The following PEBP4 variants were observed in gnomAD, a reference collection of about 807,000 sequenced individuals.
PEBP4 encodes the protein phosphatidylethanolamine-binding protein 4.
PEBP4 carries 22 observed loss-of-function variants against 23.9 expected under a neutral mutation model. The observed-to-expected ratio is 0.92, with a 90% CI of 0.66 to 1.31. The LOEUF (loss-of-function observed/expected upper bound fraction) is 1.31. Among genes scored for constraint, PEBP4 ranks in the 40% most tolerant of loss-of-function variants. The pLI, the probability that PEBP4 is intolerant of heterozygous loss-of-function variation, is 0.00. For missense variants in PEBP4, 324 were observed against 281.7 expected, an observed-to-expected ratio of 1.15 and a Z score of -1.07; for synonymous variants, 112 against 99.3, an observed-to-expected ratio of 1.13 and a Z score of -0.76.
At chr8:22,912,114 C>CA (rs990135513) in intron 3 of PEBP4, among the ~76,000 whole-genome samples, 35 of 152,222 alleles carry the variant, frequency 2.3e-4, no homozygotes, top group African/African-American at 7.7e-4. Context: ...CAGAGAAGGC[C>CA]ACGAGGATAA....
intron 3 of PEBP4, among the ~76,000 whole-genome samples, chr8:22,908,959 G>A (rs1808875846): frequency 6.6e-6 from 1 of 152,164 alleles, no homozygotes; most frequent in Non-Finnish European, 1.5e-5. Flanking sequence ...GCATTTTAAT[G>A]GCAGAAGGGC....
chr8:22,732,634 T>TTG (rs61376190), intron 4 of PEBP4, among the ~76,000 whole-genome samples: 7,727 of 149,158 alleles, frequency 0.052, 274 homozygotes, highest in African/African-American at 0.089. Flanking sequence ...CTGGCCCCAT[T>TTG]TGTGTGTGTG....
chr8:22,746,190 C>A (rs1230189044), intron 4 of PEBP4, among the ~76,000 whole-genome samples: 1 of 152,128 alleles, frequency 6.6e-6, no homozygotes, highest in African/African-American at 2.4e-5. Context: ...CAGGGTCCTC[C>A]CTGTTAGATC....
chr8:22,836,965 A>G (rs1424561723), intron 3 of PEBP4, among the ~76,000 whole-genome samples: 3 of 152,072 alleles, frequency 2.0e-5, no homozygotes, highest in Admixed American at 6.5e-5. Flanking sequence ...AAATATCTCT[A>G]TCTCCCAAGC....
chr8:22,920,964 T>C (rs545718726), intron 2 of PEBP4, among the ~76,000 whole-genome samples: 2 of 152,270 alleles, frequency 1.3e-5, no homozygotes, highest in African/African-American at 4.8e-5. Flanking sequence ...AGTTCATGTA[T>C]TTGCTCCCTG....
At chr8:22,790,745 G>T (rs1425805858) in intron 4 of PEBP4, among the ~76,000 whole-genome samples, 4 of 152,066 alleles carry the variant, frequency 2.6e-5, no homozygotes, top group African/African-American at 9.7e-5. Flanking sequence ...AAACAGACGG[G>T]GTTTAATTGC....
rs369466233 is a variant in PEBP4, at chr8:22,740,504, G to C, written c.358-13284C>G. Among the ~76,000 whole-genome samples the C allele has an allele frequency of 5.3e-5, 8 of 152,284 alleles. No individual in the cohort carries two copies. The South Asian group carries it at 1.7e-3, about 32-fold the overall frequency. ...TGAGGCGACTTCTACGCACACTAAA[G>C]TCTGTGAAGCCCCTCAGCACCACCA... On this transcript the variant is annotated intron_variant, in intron 4 of 6. Coordinates refer to ENST00000256404, the MANE Select transcript of PEBP4 (RefSeq NM_144962.3).
intron 3 of PEBP4, 41 bp from the exon 4 acceptor site, chr8:22,817,776 G>A: frequency 6.4e-7 from 1 of 1,573,034 alleles, no homozygotes; most frequent in Non-Finnish European, 8.7e-7. Context: ...CGTCATGGCT[G>A]AAATAGGAAA....
At chr8:22,846,484 C>T (rs182885291) in intron 3 of PEBP4, among the ~76,000 whole-genome samples, 1 of 152,282 alleles carries the variant, frequency 6.6e-6, no homozygotes, top group Non-Finnish European at 1.5e-5. Context: ...GGTTCCCTCG[C>T]CCCACCCTAA....
intron 3 of PEBP4, among the ~76,000 whole-genome samples, chr8:22,849,256 G>T (rs1807502241): frequency 6.6e-6 from 1 of 152,210 alleles, no homozygotes; most frequent in Non-Finnish European, 1.5e-5. Flanking sequence ...GAGAAGCTGA[G>T]GCACTGAGTA....
intron 4 of PEBP4, among the ~76,000 whole-genome samples, chr8:22,777,758 A>C (rs923235001): frequency 6.6e-6 from 1 of 152,042 alleles, no homozygotes; most frequent in African/African-American, 2.4e-5. Context: ...TCCGACCATG[A>C]GGTATTTTCC....
intron 3 of PEBP4, among the ~76,000 whole-genome samples, chr8:22,860,148 T>TTATATATACACATATATATTTATA (rs1807736800): frequency 9.5e-6 from 1 of 105,334 alleles, no homozygotes; most frequent in Non-Finnish European, 2.0e-5. Flanking sequence ...AGAAAAAAAA[T>TTATATATACACATATATATTTATA]TATATATACA....
intron 4 of PEBP4, among the ~76,000 whole-genome samples, chr8:22,731,470 T>C (rs1804729519): frequency 6.6e-6 from 1 of 152,350 alleles, no homozygotes; most frequent in South Asian, 2.1e-4. Context: ...ATAGAATACA[T>C]ATAACATACA....
At chr8:22,889,931 C>A (rs1244586702) in intron 3 of PEBP4, among the ~76,000 whole-genome samples, 1 of 152,202 alleles carries the variant, frequency 6.6e-6, no homozygotes, top group Non-Finnish European at 1.5e-5. Flanking sequence ...CAAATTGATG[C>A]AATGTTCAAT....
At chr8:22,836,377 CACA>C (rs1339715343) in intron 3 of PEBP4, among the ~76,000 whole-genome samples, 3 of 152,224 alleles carry the variant, frequency 2.0e-5, no homozygotes, top group Non-Finnish European at 4.4e-5. Context: ...GACTTTTACT[CACA>C]ACAATATGGT....
At chr8:22,910,846 T>C (rs549974557) in intron 3 of PEBP4, among the ~76,000 whole-genome samples, 2 of 152,286 alleles carry the variant, frequency 1.3e-5, no homozygotes, top group South Asian at 4.1e-4. Flanking sequence ...TTCAGGGCAA[T>C]GAAACTACTC....
At chr8:22,799,511 C>T (rs1362080792) in intron 4 of PEBP4, among the ~76,000 whole-genome samples, 1 of 152,208 alleles carries the variant, frequency 6.6e-6, no homozygotes, top group African/African-American at 2.4e-5. Flanking sequence ...TGGCAGGGGC[C>T]AGGTTAAGGC....
intron 3 of PEBP4, among the ~76,000 whole-genome samples, chr8:22,897,542 T>C (rs939128578): frequency 5.3e-5 from 8 of 152,222 alleles, no homozygotes; most frequent in African/African-American, 1.9e-4. Context: ...GCTTTTCTTA[T>C]TCAAACCTTA....
chr8:22,916,309 A>G (rs938096480), intron 3 of PEBP4, among the ~76,000 whole-genome samples: 1 of 152,140 alleles, frequency 6.6e-6, no homozygotes, highest in Non-Finnish European at 1.5e-5. Flanking sequence ...AACGGGATGC[A>G]TTTTTAAATG....
Sources: allele counts gnomAD v4.1 joint callset (sites outside exome capture counted in the v4.1 genomes callset), GRCh38; gene constraint gnomAD v4.1.1; transcripts MANE v1.5; gene names NCBI Gene and HGNC (gene_info 2026-07-23, HGNC 2026-07-21).